The following CAMK2B variants were observed in gnomAD, a reference collection of about 807,000 sequenced individuals.
The protein encoded by CAMK2B is calcium/calmodulin dependent protein kinase II beta.
In CAMK2B, 27 loss-of-function variants were observed where a neutral mutation model predicts 93.7. The observed-to-expected ratio is 0.29, with a 90% CI of 0.21 to 0.40. The LOEUF is 0.40. CAMK2B is among the 10% of genes least tolerant of loss of function. The pLI is 1.00. For synonymous variants in CAMK2B, 374 were observed against 358.8 expected (o/e 1.04, Z -0.48); for missense variants, 568 against 895.8 (o/e 0.63, Z 4.67).
chr7:44,257,124 A>T (rs2096840833), intron 4 of CAMK2B, among the ~76,000 whole-genome samples: 1 of 152,136 alleles, frequency 6.6e-6, no homozygotes, highest in Non-Finnish European at 1.5e-5. Flanking sequence ...ATTCCCAAGC[A>T]AGGGGAGTGG....
intron 6 of CAMK2B, among the ~76,000 whole-genome samples, chr7:44,245,421 G>A (rs1156233233): frequency 2.0e-5 from 3 of 152,254 alleles, no homozygotes; most frequent in Non-Finnish European, 2.9e-5. Flanking sequence ...TCAACAGGAG[G>A]TTGAGACAGC....
At position 44,286,461 on chromosome 7, in the gene CAMK2B, C is replaced by T. The variant is rs150458019; in HGVS notation, c.66-2236G>A. Among the ~76,000 whole-genome samples, 43 of 152,298 alleles carry T rather than the reference C, an allele frequency of 2.8e-4. No homozygotes were observed. The highest frequency in any genetic ancestry group is 3.4e-3 in the Middle Eastern group (1 of 294). ...CCGTATGGCACCGCTGTGTCGAGCC[C>T]GTCCCCGGAGCAGGGAGGAGACCCA... is the stretch of plus-strand genomic sequence containing the variant. On this transcript the variant is annotated intron_variant, in intron 1 of 23. Coordinates refer to ENST00000395749, the MANE Select transcript of CAMK2B (RefSeq NM_001220.5). The surrounding 1 kb of genome is among the most constrained non-coding windows in gnomAD (Gnocchi z 4.0).
chr7:44,220,055 C>CTCACCTTCATT lies in CAMK2B; in HGVS notation c.*2+4_*2+5insAATGAAGGTGA, dbSNP rs1358466493. 7 of 1,567,490 alleles carry CTCACCTTCATT rather than the reference C, an allele frequency of 4.5e-6. No individual in the cohort carries two copies. The highest frequency in any genetic ancestry group is 6.0e-6 in the Non-Finnish European group (7 of 1,160,814). Reference sequence around the variant, plus strand: ...CCCAGCTGTCACTTAGCACAGAACACTCACCTTCACTGCAGCGGGGCCACA... The same window carrying CTCACCTTCATT: ...CCCAGCTGTCACTTAGCACAGAACACTCACCTTCATTTCACCTTCACTGCAGCGGGGCCACA... On this transcript the variant is annotated splice_donor_region_variant and intron_variant, in intron 23 of 23. Transcript: ENST00000395749.
chr7:44,228,929 G>A lies in CAMK2B; in HGVS notation c.1340-5C>T. 4 of 1,609,560 alleles carry A rather than the reference G, an allele frequency of 2.5e-6. No individual in the cohort carries two copies. Among genetic ancestry groups the A allele is most frequent in the Non-Finnish European group, 3.4e-6 (4 of 1,177,960 alleles). On this transcript the variant is annotated splice_polypyrimidine_tract_variant and splice_region_variant and intron_variant, in intron 18 of 23. Transcript: ENST00000395749. The stretch of plus-strand genomic sequence containing the variant: ...GGATGTCAGAGATCCTGGGGGCTGG[G>A]GTGGAACAGATGAGACGTGAACATG...
In CAMK2B at chr7:44,219,344, G is replaced by GTTTTTTTTTTTTTTTTTTTTTTTT. The variant is rs59312365; in HGVS notation, c.*180_*181insAAAAAAAAAAAAAAAAAAAAAAAA. Reference sequence around the variant, plus strand: ...TTTTTGTGGTTGTCGTCGTCATCTTGTTTTTTTTTTTTTTTTTTTTGTTTT... The same window carrying GTTTTTTTTTTTTTTTTTTTTTTTT: ...TTTTTGTGGTTGTCGTCGTCATCTTGTTTTTTTTTTTTTTTTTTTTTTTTTTTTTTTTTTTTTTTTTTTTGTTTT... On this transcript the variant is annotated 3_prime_UTR_variant, in exon 24 of 24. Coordinates refer to ENST00000395749, the MANE Select transcript of CAMK2B (RefSeq NM_001220.5). 5.7e-5 allele frequency: 2 copies of GTTTTTTTTTTTTTTTTTTTTTTTT among 35,180 alleles called. No individual in the cohort carries two copies. Among genetic ancestry groups the GTTTTTTTTTTTTTTTTTTTTTTTT allele is most frequent in the Non-Finnish European group, 1.0e-4 (2 of 19,154 alleles). The allele number at this position is 35,180 out of a possible 1,614,324, so 2.2% of individuals were successfully genotyped here. A position where few individuals can be genotyped will look rare whatever the true frequency, so the allele number is the denominator to read the frequency against.
intron 5 of CAMK2B, among the ~76,000 whole-genome samples, chr7:44,249,637 G>A (rs530618247): frequency 5.6e-4 from 85 of 152,288 alleles, no homozygotes; most frequent in Non-Finnish European, 1.1e-3. Context: ...CTCTCCAGGT[G>A]GAGTGATATG....
At position 44,229,136 on chromosome 7, in the gene CAMK2B, G is replaced by A. The variant is rs968074701; in HGVS notation, c.1340-212C>T. 40 of 637,052 alleles carry A rather than the reference G, an allele frequency of 6.3e-5. No individual in the cohort carries two copies. In the Admixed American group the frequency reaches 9.8e-4, roughly 16 times the overall value. The allele number at this position is 637,052 out of a possible 1,614,324, so 39.5% of individuals were successfully genotyped here. A position where few individuals can be genotyped will look rare whatever the true frequency, so the allele number is the denominator to read the frequency against. On this transcript the variant is annotated intron_variant, in intron 18 of 23. Coordinates refer to ENST00000395749, the MANE Select transcript of CAMK2B (RefSeq NM_001220.5). ...TGCACCGACCCTGAAGACTGGAATT[G>A]AGGCCCGAGCCTCCAGGGCCTCCCA...
chr7:44,287,807 C>T (rs1366370201), intron 1 of CAMK2B, among the ~76,000 whole-genome samples: 1 of 152,222 alleles, frequency 6.6e-6, no homozygotes, highest in Non-Finnish European at 1.5e-5. Flanking sequence ...CCAGCTCACA[C>T]AGAAAGTCAG....
At chr7:44,300,997 A>G (rs1789843789) in intron 1 of CAMK2B, among the ~76,000 whole-genome samples, 1 of 152,280 alleles carries the variant, frequency 6.6e-6, no homozygotes. Flanking sequence ...AGCCCAAAAT[A>G]CATGGAAACA....
chr7:44,242,376 G>C, intron 9 of CAMK2B, 36 bp from the exon 10 acceptor site: 2 of 1,601,254 alleles, frequency 1.2e-6, no homozygotes, highest in Non-Finnish European at 1.7e-6. Context: ...CGGGCCTGAA[G>C]CTCCCTCTCA....
At chr7:44,247,389 C>T (rs1231073298) in intron 5 of CAMK2B, among the ~76,000 whole-genome samples, 197 bp from the exon 6 acceptor site, 1 of 152,198 alleles carries the variant, frequency 6.6e-6, no homozygotes, top group African/African-American at 2.4e-5. Context: ...CTGGCCCTGG[C>T]CCTGCCTTCC....
chr7:44,232,718 T>C (rs1025183351), intron 16 of CAMK2B, 104 bp downstream of exon 16: 11 of 1,092,772 alleles, frequency 1.0e-5, no homozygotes, highest in South Asian at 3.9e-5. Context: ...GGCCAGGGCA[T>C]GGGACATCTG....
In CAMK2B at chr7:44,240,732, G is replaced by A; in HGVS notation, c.921C>T (p.Thr307=). 1.9e-6 allele frequency: 3 copies of A among 1,613,990 alleles called. No homozygotes were observed. Among genetic ancestry groups the A allele is most frequent in the Non-Finnish European group, 2.5e-6 (3 of 1,179,960 alleles). Residue 307 remains threonine, a synonymous_variant, in exon 12 of 24, where the codon ACC becomes ACT. Transcript: ENST00000395749. ...RRKLKGAILT[T]MLATRNFSVG... ...CTGAGAAATTCCGTGTGGCCAGCAT[G>A]GTGGTGAGGATGGCTCCCTGGGGAG...
chr7:44,295,277 T>C (rs1265909080), intron 1 of CAMK2B, among the ~76,000 whole-genome samples: 3 of 152,204 alleles, frequency 2.0e-5, no homozygotes, highest in African/African-American at 2.4e-5. Context: ...AGCTTGGAAG[T>C]CATCACTCCT....
At chr7:44,324,699 G>A (rs924178821) in intron 1 of CAMK2B, among the ~76,000 whole-genome samples, 2 of 151,904 alleles carry the variant, frequency 1.3e-5, no homozygotes, top group Non-Finnish European at 2.9e-5. Flanking sequence ...GTCTCTCCCC[G>A]CTATCCCCAT....
intron 2 of CAMK2B, among the ~76,000 whole-genome samples, chr7:44,277,722 GCTCTCT>G (rs2097060912): frequency 6.6e-6 from 1 of 152,054 alleles, no homozygotes; most frequent in African/African-American, 2.4e-5. Flanking sequence ...ACCAACCCTT[GCTCTCT>G]GGGTCCCCTC....
intron 1 of CAMK2B, among the ~76,000 whole-genome samples, chr7:44,300,020 C>CTATG (rs1789470185): frequency 7.1e-6 from 1 of 141,630 alleles, no homozygotes; most frequent in Non-Finnish European, 1.5e-5. Context: ...GTGTATGTGT[C>CTATG]TGTGTGTGTG....
intron 13 of CAMK2B, 56 bp downstream of exon 13, chr7:44,239,533 A>G: frequency 6.9e-7 from 1 of 1,458,490 alleles, no homozygotes; most frequent in South Asian, 1.2e-5. Flanking sequence ...AGGGGGCTGC[A>G]TGCTGGCAGG....
At chr7:44,241,927 G>A (rs989232070) in intron 10 of CAMK2B, 144 bp from the exon 11 acceptor site, 78 of 693,798 alleles carry the variant, frequency 1.1e-4, no homozygotes, top group Middle Eastern at 2.9e-4. Flanking sequence ...GTCCCCACCC[G>A]CCTGGGACTT....
Sources: gnomAD v4.1 joint callset for allele counts (sites outside exome capture counted in the v4.1 genomes callset) on GRCh38, gnomAD v4.1.1 for gene constraint, Gnocchi (gnomAD v3.1) non-coding constraint, MANE v1.5 for transcripts, NCBI Gene and HGNC (gene_info 2026-07-23, HGNC 2026-07-21) for gene names.